The following SYN3 variants were observed in gnomAD, a reference collection of about 807,000 sequenced individuals.
The protein encoded by SYN3 is synapsin III.
A neutral mutation model predicts 65.8 loss-of-function variants in SYN3; 35 were observed. The observed-to-expected ratio is 0.53, with a 90% confidence interval of 0.41 to 0.70. The LOEUF (loss-of-function observed/expected upper bound fraction) is 0.70, where lower values mean the gene tolerates loss of function less well. SYN3 is among the 30% of genes least tolerant of loss of function. SYN3 has a pLI of 0.00. For missense variants in SYN3, 680 were observed against 749.0 expected (o/e 0.91, Z 1.08); for synonymous variants, 270 against 292.9 (o/e 0.92, Z 0.80).
intron 6 of SYN3, among the ~76,000 whole-genome samples, chr22:32,750,498 A>G (rs1031080329): frequency 2.0e-5 from 3 of 152,218 alleles, no homozygotes; most frequent in Non-Finnish European, 4.4e-5. Flanking sequence ...GGTGGTGTAC[A>G]GGTGGCAGCG....
chr22:33,006,918 A>C (rs2053214610), intron 1 of SYN3, 94 bp from the exon 2 acceptor site: 3 of 353,192 alleles, frequency 8.5e-6, no homozygotes, highest in Non-Finnish European at 1.5e-5. Flanking sequence ...TGCAGGTGGT[A>C]ATGTAAATTA....
At chr22:32,664,953 C>T (rs375091513) in intron 6 of SYN3, among the ~76,000 whole-genome samples, 381 of 149,922 alleles carry the variant, frequency 2.5e-3, no homozygotes, top group African/African-American at 8.7e-3. Flanking sequence ...CCACCCTTTC[C>T]TCCCGAATCC....
chr22:32,692,155 C>CAAAAAAAAAAAAAAAAAAAAAAAGA (rs1188224009), intron 6 of SYN3, among the ~76,000 whole-genome samples: 18 of 34,420 alleles, frequency 5.2e-4, no homozygotes, highest in Non-Finnish European at 5.2e-4. Context: ...GACAAAAAGA[C>CAAAAAAAAAAAAAAAAAAAAAAAGA]AAAAAAAAAA....
intron 6 of SYN3, among the ~76,000 whole-genome samples, chr22:32,600,601 G>C (rs1418178594): frequency 1.3e-5 from 2 of 152,216 alleles, no homozygotes; most frequent in African/African-American, 4.8e-5. Flanking sequence ...AGACCACCAC[G>C]GTCTTCCCGT....
chr22:33,000,557 A>G (rs1601878422), intron 2 of SYN3, among the ~76,000 whole-genome samples: 1 of 152,076 alleles, frequency 6.6e-6, no homozygotes, highest in Non-Finnish European at 1.5e-5. Flanking sequence ...ACCTGATTCT[A>G]CTGGAAGGCC....
chr22:32,830,667 C>A (rs545493817), intron 6 of SYN3, among the ~76,000 whole-genome samples: 2 of 152,172 alleles, frequency 1.3e-5, no homozygotes, highest in East Asian at 1.9e-4. Context: ...GCCACCCCCC[C>A]GCCCCCGCAA....
At chr22:32,897,039 C>A (rs752264388) in intron 4 of SYN3, among the ~76,000 whole-genome samples, 1 of 152,174 alleles carries the variant, frequency 6.6e-6, no homozygotes, top group Non-Finnish European at 1.5e-5. Flanking sequence ...GGAACTCTTA[C>A]ATAGAGGACT....
Position 32,801,859 on chromosome 22 carries a change from C to A in SYN3, c.711+63056G>T. On this transcript the variant is annotated intron_variant, in intron 6 of 13. Coordinates refer to ENST00000358763, the MANE Select transcript of SYN3 (RefSeq NM_003490.4). The surrounding 1 kb of genome is among the most constrained non-coding windows in gnomAD (Gnocchi z 4.7). Reference sequence around the variant, plus strand: ...GCCCCATCCCGTCCCGCCGGGCACTCGGAGGGCAGCGCGCCGGAGGCCAAG... The same window carrying A: ...GCCCCATCCCGTCCCGCCGGGCACTAGGAGGGCAGCGCGCCGGAGGCCAAG... 1 of 1,101,622 alleles carries A rather than the reference C, an allele frequency of 9.1e-7. No homozygotes were observed. Among genetic ancestry groups the A allele is most frequent in the Non-Finnish European group, 1.1e-6 (1 of 870,702 alleles). 68.2% of individuals were successfully genotyped at this position (1,101,622 alleles called of 1,614,324 possible).
At chr22:32,676,109 C>A (rs1446300451) in intron 6 of SYN3, among the ~76,000 whole-genome samples, 1 of 152,240 alleles carries the variant, frequency 6.6e-6, no homozygotes, top group South Asian at 2.1e-4. Context: ...GGCCCAAGAT[C>A]TCCCCTGAGG....
chr22:33,037,108 CTT>C (rs1194306621), intron 1 of SYN3, among the ~76,000 whole-genome samples: 1 of 152,182 alleles, frequency 6.6e-6, no homozygotes, highest in Non-Finnish European at 1.5e-5. Context: ...TTGTTTTTCT[CTT>C]GTTAATCTTT....
At chr22:32,786,544 C>T (rs1369078056) in intron 6 of SYN3, among the ~76,000 whole-genome samples, 1 of 151,520 alleles carries the variant, frequency 6.6e-6, no homozygotes, top group Non-Finnish European at 1.5e-5. Flanking sequence ...TTGTATTTTT[C>T]ATAGAGATGG....
intron 4 of SYN3, among the ~76,000 whole-genome samples, chr22:32,885,350 G>A (rs758084461): frequency 6.6e-6 from 1 of 152,190 alleles, no homozygotes; most frequent in African/African-American, 2.4e-5. Context: ...AATGTTTTGT[G>A]TCCTTCTGAC....
intron 6 of SYN3, among the ~76,000 whole-genome samples, chr22:32,749,680 T>C (rs2045052728): frequency 6.6e-6 from 1 of 152,138 alleles, no homozygotes; most frequent in African/African-American, 2.4e-5. Context: ...ATATACATTT[T>C]GTAGGGGGGA....
At chr22:32,995,548 C>T (rs185464025) in intron 2 of SYN3, among the ~76,000 whole-genome samples, 5 of 152,310 alleles carry the variant, frequency 3.3e-5, no homozygotes, top group Non-Finnish European at 5.9e-5. Context: ...CCACGTGGCA[C>T]AGGTGGACGC....
chr22:32,831,982 G>A (rs938556387), intron 6 of SYN3, among the ~76,000 whole-genome samples: 2 of 152,118 alleles, frequency 1.3e-5, no homozygotes, highest in African/African-American at 4.8e-5. Context: ...GCAGGCTGTC[G>A]GCATTGTTAC....
chr22:32,836,318 C>T (rs561038081), intron 6 of SYN3, among the ~76,000 whole-genome samples: 13 of 152,298 alleles, frequency 8.5e-5, no homozygotes, highest in African/African-American at 2.9e-4. Context: ...ACCATGATTG[C>T]ACAGACACGA....
At chr22:32,913,316 A>T (rs1271609544) in intron 4 of SYN3, among the ~76,000 whole-genome samples, 2 of 151,590 alleles carry the variant, frequency 1.3e-5, no homozygotes, top group African/African-American at 4.8e-5. Flanking sequence ...CCACCACCAT[A>T]CCCAGCTAAT....
intron 6 of SYN3, among the ~76,000 whole-genome samples, chr22:32,764,239 G>C (rs1336067257): frequency 6.6e-6 from 1 of 152,118 alleles, no homozygotes; most frequent in East Asian, 1.9e-4. Flanking sequence ...CACTGTGCCT[G>C]GCGAAGACCC....
intron 6 of SYN3, among the ~76,000 whole-genome samples, chr22:32,798,138 C>T (rs1229091196): frequency 6.6e-6 from 1 of 152,112 alleles, no homozygotes; most frequent in Non-Finnish European, 1.5e-5. Flanking sequence ...AGAGATAAAC[C>T]TGTCAGGAGG....
Sources: allele counts gnomAD v4.1 joint callset (sites outside exome capture counted in the v4.1 genomes callset), GRCh38; gene constraint gnomAD v4.1.1; non-coding constraint Gnocchi (gnomAD v3.1); transcripts MANE v1.5; gene names NCBI Gene and HGNC (gene_info 2026-07-23, HGNC 2026-07-21).